The following PATJ variants were observed in gnomAD, a reference collection of about 807,000 sequenced individuals.
The protein encoded by PATJ is PATJ crumbs cell polarity complex component.
PATJ carries 190 observed loss-of-function variants against 224.9 expected under a neutral mutation model. That is an observed-to-expected ratio of 0.84 (90% confidence interval 0.75 to 0.95). The LOEUF is 0.95. Ranked by LOEUF, PATJ falls within the 40% of genes least tolerant of loss-of-function variation. The pLI is 0.00. For missense variants in PATJ, 2,121 were observed against 2,270.3 expected (o/e 0.93, Z 1.34); for synonymous variants, 769 against 820.3 (o/e 0.94, Z 1.07).
Position 61,864,274 on chromosome 1 carries a change from G to C in PATJ, c.2476G>C (p.Val826Leu). The C allele has an allele frequency of 1.9e-6, 3 of 1,612,112 alleles. No homozygotes were observed. The highest frequency in any genetic ancestry group is 2.5e-6 in the Non-Finnish European group (3 of 1,179,138). ...TGAACCATATTTTAAAGAAGAACTTGTGGATGAACCATTTCTAGATCTGGG... is the reference window on the plus strand; with the variant it reads ...TGAACCATATTTTAAAGAAGAACTTCTGGATGAACCATTTCTAGATCTGGG... ...RDEPYFKEEL[V>L]DEPFLDLGKS... Residue 826 changes from valine (V) to leucine (L), a missense_variant, in exon 20 of 44, where the codon GTG (valine) becomes CTG (leucine). Physicochemically the swap from Val to Leu is conservative, Grantham distance 32. Coordinates refer to ENST00000642238, the MANE Select transcript of PATJ (RefSeq NM_001350145.3).
At chr1:61,791,060 C>G (rs1345482431) in intron 8 of PATJ, among the ~76,000 whole-genome samples, 2 of 152,186 alleles carry the variant, frequency 1.3e-5, no homozygotes, top group African/African-American at 2.4e-5. Context: ...AAGTTGAGTC[C>G]TTAATGATTC....
At chr1:61,882,463 G>A (rs962664029) in intron 21 of PATJ, among the ~76,000 whole-genome samples, 4 of 152,130 alleles carry the variant, frequency 2.6e-5, no homozygotes, top group African/African-American at 9.7e-5. Flanking sequence ...GTCTGCAGAG[G>A]TAATCGCGAT....
intron 27 of PATJ, among the ~76,000 whole-genome samples, chr1:61,963,320 C>T (rs748737006): frequency 1.8e-4 from 28 of 151,962 alleles, no homozygotes; most frequent in Admixed American, 5.2e-4. Flanking sequence ...CCAGCCTGGG[C>T]GTGGTGGCTC....
chr1:62,072,991 T>C (rs997774824), intron 31 of PATJ: 1 of 970,104 alleles, frequency 1.0e-6, no homozygotes, highest in African/African-American at 1.8e-5. Flanking sequence ...CCTCCAATGC[T>C]GCTAATTGGT....
intron 34 of PATJ, among the ~76,000 whole-genome samples, chr1:62,112,130 A>G (rs184773149): frequency 6.6e-5 from 10 of 152,322 alleles, no homozygotes; most frequent in Non-Finnish European, 1.2e-4. Context: ...ACCTTCTCCA[A>G]GAAGGGTTCA....
At chr1:61,870,611 G>A (rs1235696101) in intron 20 of PATJ, among the ~76,000 whole-genome samples, 2 of 152,062 alleles carry the variant, frequency 1.3e-5, no homozygotes, top group Non-Finnish European at 2.9e-5. Flanking sequence ...ACCACATTTT[G>A]TTTTTCCATT....
At chr1:62,060,335 CT>C (rs905610065) in intron 31 of PATJ, among the ~76,000 whole-genome samples, 2 of 152,008 alleles carry the variant, frequency 1.3e-5, no homozygotes, top group South Asian at 4.2e-4. Flanking sequence ...ACTGGGCTGA[CT>C]TTTTTTATTT....
chr1:62,000,477 T>A (rs1335658810), intron 28 of PATJ, among the ~76,000 whole-genome samples: 1 of 151,546 alleles, frequency 6.6e-6, no homozygotes, highest in Non-Finnish European at 1.5e-5. Flanking sequence ...GATAGTTTAC[T>A]GAGAATGATG....
At chr1:61,796,680 TTC>T (rs150891864) in intron 10 of PATJ, among the ~76,000 whole-genome samples, 4,648 of 39,796 alleles carry the variant, frequency 0.12, 108 homozygotes, top group Non-Finnish European at 0.15. Context: ...CTTTCTTTCT[TTC>T]TTTCTTTCTT....
At chr1:61,817,732 C>T (rs187577736) in intron 14 of PATJ, among the ~76,000 whole-genome samples, 8 of 152,220 alleles carry the variant, frequency 5.3e-5, no homozygotes, top group East Asian at 3.9e-4. Context: ...TCTAATGGAT[C>T]GTTTGTTTTG....
intron 27 of PATJ, among the ~76,000 whole-genome samples, chr1:61,960,760 A>T (rs1681161056): frequency 6.6e-6 from 1 of 152,134 alleles, no homozygotes; most frequent in Non-Finnish European, 1.5e-5. Context: ...ATTTCCCAAA[A>T]TCTTGATGCC....
chr1:61,803,490 G>A (rs1005413485), intron 12 of PATJ, among the ~76,000 whole-genome samples: 8 of 152,136 alleles, frequency 5.3e-5, no homozygotes, highest in Middle Eastern at 3.4e-3. Flanking sequence ...TTATGTTCCC[G>A]TTTTAAATCA....
intron 18 of PATJ, among the ~76,000 whole-genome samples, chr1:61,860,470 A>G (rs1041830193): frequency 6.6e-5 from 10 of 152,204 alleles, no homozygotes; most frequent in Non-Finnish European, 1.3e-4. Context: ...TGTGGTTTGC[A>G]AGGCTACGTG....
intron 28 of PATJ, among the ~76,000 whole-genome samples, chr1:62,005,416 G>GTT (rs1558027388): frequency 1.1e-4 from 10 of 95,192 alleles, no homozygotes; most frequent in South Asian, 8.1e-4. Context: ...AATATGATGT[G>GTT]GTTTTTTTTT....
At chr1:61,797,513 A>C in intron 11 of PATJ, 85 bp downstream of exon 11, 29 of 1,190,908 alleles carry the variant, frequency 2.4e-5, no homozygotes, top group Middle Eastern at 2.1e-4. Flanking sequence ...CATGAGTCTC[A>C]GCAGGAAATG....
intron 31 of PATJ, among the ~76,000 whole-genome samples, chr1:62,063,475 C>A (rs2148654295): frequency 1.3e-5 from 2 of 151,742 alleles, no homozygotes; most frequent in East Asian, 3.9e-4. Flanking sequence ...CTTAAGATTG[C>A]TTTGGCTATT....
In PATJ at chr1:61,884,349, T is replaced by A. The variant is rs1668508063; in HGVS notation, c.3072T>A (p.Val1024=). ...LPLYQHQATR[V]ISKASAYTGM... ...TATATCAACACCAAGCGACACGAGT[T>A]ATTTCCAAGGCCTCAGCATACACAG... is the stretch of plus-strand genomic sequence containing the variant. Residue 1024 remains valine (V), a synonymous_variant, in exon 22 of 44, where the codon GTT becomes GTA. Transcript: ENST00000642238. The A allele has an allele frequency of 6.2e-7, 1 of 1,613,260 alleles. No homozygotes were observed. Among genetic ancestry groups the A allele is most frequent in the Admixed American group, 1.7e-5 (1 of 59,770 alleles).
intron 31 of PATJ, chr1:62,054,486 C>G (rs758559043): frequency 2.4e-5 from 4 of 166,444 alleles, no homozygotes; most frequent in Non-Finnish European, 5.4e-5. Context: ...AGATGCATAG[C>G]CAAGGAGTTT....
chr1:62,038,780 A>T, intron 30 of PATJ: 4 of 519,094 alleles, frequency 7.7e-6, no homozygotes, highest in Non-Finnish European at 1.4e-5. Context: ...TGTGCAATAC[A>T]CATTATTTTT....
Sources: allele counts gnomAD v4.1 joint callset (sites outside exome capture counted in the v4.1 genomes callset), GRCh38; gene constraint gnomAD v4.1.1; transcripts MANE v1.5; gene names NCBI Gene and HGNC (gene_info 2026-07-23, HGNC 2026-07-21).